COQ8A: variants seen among roughly 807,000 people sequenced by gnomAD.
COQ8A encodes atypical kinase COQ8A, mitochondrial.
In COQ8A, 51 loss-of-function variants were observed where a neutral mutation model predicts 65.0. The observed-to-expected ratio is 0.78, with a 90% CI of 0.63 to 0.99. The LOEUF (loss-of-function observed/expected upper bound fraction) is 0.99, where lower values mean the gene tolerates loss of function less well. Ranked by LOEUF, COQ8A falls within the 50% of genes least tolerant of loss-of-function variation. The pLI, the probability that COQ8A is intolerant of heterozygous loss-of-function variation, is 0.00. For missense variants in COQ8A, 940 were observed against 875.0 expected (o/e 1.07, Z -0.94); for synonymous variants, 371 against 353.2 (o/e 1.05, Z -0.57).
chr1:226,977,909 G>A (rs1332195384), intron 5 of COQ8A, among the ~76,000 whole-genome samples: 1 of 116,242 alleles, frequency 8.6e-6, no homozygotes, highest in African/African-American at 3.4e-5. Context: ...CAGCGAACAC[G>A]CGCACACCTT....
intron 4 of COQ8A, 81 bp from the exon 5 acceptor site, chr1:226,977,368 C>A: frequency 7.3e-7 from 1 of 1,368,002 alleles, no homozygotes; most frequent in Non-Finnish European, 1.0e-6. Context: ...CTGTGTGGTG[C>A]TGCCCCAGGC....
intron 1 of COQ8A, chr1:226,958,338 G>A (rs1163062053): frequency 1.3e-5 from 2 of 152,388 alleles, no homozygotes; most frequent in South Asian, 4.1e-4. Context: ...TCCGTACTGA[G>A]CTACTGAGGA....
chr1:226,971,561 A>AGAC, intron 4 of COQ8A, among the ~76,000 whole-genome samples: 1 of 152,124 alleles, frequency 6.6e-6, no homozygotes, highest in African/African-American at 2.4e-5. Context: ...AAAAAGAAAA[A>AGAC]AAAGAAAAAA....
In COQ8A at chr1:226,986,803, AGCGAGGTCGTGGTGAT is replaced by A. The variant is rs2148144504; in HGVS notation, c.*69_*84del. 6.4e-7 allele frequency: 1 copy of A among 1,565,346 alleles called. No individual in the cohort carries two copies. The highest frequency in any genetic ancestry group is 2.3e-5 in the East Asian group (1 of 43,088). ...TCCCTCAGACAGGCCAAAAACCAGT[AGCGAGGTCGTGGTGAT>A]GCTCTTTTTAACTCCTTTGCCCAAT... On this transcript the variant is annotated 3_prime_UTR_variant, in exon 15 of 15. Transcript: ENST00000366777.
rs539881776 is a variant in COQ8A at position 226,942,890 on chromosome 1, A to T, written c.-10+2491A>T. ...ACTTCTGAGTCTAAATTTTGCCTTC[A>T]GTGTAATCCAGAATTTATGCCCCAA... On this transcript the variant is annotated intron_variant, in intron 1 of 14. Transcript: ENST00000366777. Among the ~76,000 whole-genome samples, 67 of 152,318 alleles carry T rather than the reference A, an allele frequency of 4.4e-4. No individual in the cohort carries two copies. The South Asian group carries it at 0.013, about 29-fold the overall frequency.
chr1:226,960,140 G>A, intron 1 of COQ8A, among the ~76,000 whole-genome samples: 1 of 147,702 alleles, frequency 6.8e-6, no homozygotes, highest in East Asian at 2.0e-4. Context: ...GGTGGTGGTG[G>A]TACTTGGTGG....
intron 1 of COQ8A, among the ~76,000 whole-genome samples, chr1:226,944,836 G>A (rs980955575): frequency 4.6e-5 from 7 of 151,306 alleles, no homozygotes; most frequent in African/African-American, 1.2e-4. Flanking sequence ...AGGTGTTTCC[G>A]GGTCATTTGG....
intron 6 of COQ8A, 146 bp downstream of exon 6, chr1:226,982,295 G>T: frequency 8.0e-7 from 1 of 1,249,330 alleles, no homozygotes; most frequent in Non-Finnish European, 1.1e-6. Context: ...AATAGGCCTG[G>T]TCTCCAGACG....
chr1:226,954,406 G>A (rs747519761), intron 1 of COQ8A, among the ~76,000 whole-genome samples: 5 of 152,352 alleles, frequency 3.3e-5, no homozygotes, highest in African/African-American at 7.2e-5. Context: ...CTCCAGAACC[G>A]GGGTTCTCAA....
rs1441387354 is a variant in COQ8A, at chr1:226,984,960, T to A, written c.1572+19T>A. Reference sequence around the variant, plus strand: ...CATTCAGGTAACTGGAGAGGGGCCCTGGCCTTGGTCCATGTTTTTCTGAGG... The same window carrying A: ...CATTCAGGTAACTGGAGAGGGGCCCAGGCCTTGGTCCATGTTTTTCTGAGG... On this transcript the variant is annotated intron_variant, in intron 13 of 14. Coordinates refer to ENST00000366777, the MANE Select transcript of COQ8A (RefSeq NM_020247.5). 5.6e-6 allele frequency: 9 copies of A among 1,613,572 alleles called. No homozygotes were observed. The highest frequency in any genetic ancestry group is 6.8e-6 in the Non-Finnish European group (8 of 1,179,746).
At chr1:226,961,666 C>T (rs950619782) in intron 2 of COQ8A, 104 bp downstream of exon 2, 4 of 1,397,330 alleles carry the variant, frequency 2.9e-6, no homozygotes, top group Non-Finnish European at 3.8e-6. Context: ...TCTTTGGTGG[C>T]CAGGGCCTGA....
At chr1:226,986,392 A>C in intron 14 of COQ8A, 61 bp from the exon 15 acceptor site, 158 of 1,540,308 alleles carry the variant, frequency 1.0e-4, no homozygotes, top group Non-Finnish European at 1.3e-4. Context: ...TGTGGGAGGA[A>C]CCCGGGCTGG....
rs754550384 is a variant in COQ8A at position 226,965,341 on chromosome 1, C to G, written c.519C>G (p.Leu173=). 6.2e-7 allele frequency: 1 copy of G among 1,613,198 alleles called. No homozygotes were observed. ...AGGACCAATCCCCTGTTGGGGGCCT[C>G]ACAGCCGAGGACATTGAGAAGGCCC... The part of the protein sequence containing the change: ...FHQDQSPVGG[L]TAEDIEKARQ... Residue 173 remains leucine (L), a synonymous_variant, in exon 3 of 15, where the codon CTC becomes CTG. Coordinates refer to ENST00000366777, the MANE Select transcript of COQ8A (RefSeq NM_020247.5).
In COQ8A at chr1:226,946,461, A is replaced by G. The variant is rs1024889233; in HGVS notation, c.-10+6062A>G. ...GGCACGGAGGCATCTAGCGAGAGGTATCGCTGCAGAGGTGTCTGGGGCTCC... is the reference window on the plus strand; with the variant it reads ...GGCACGGAGGCATCTAGCGAGAGGTGTCGCTGCAGAGGTGTCTGGGGCTCC... On this transcript the variant is annotated intron_variant, in intron 1 of 14. Coordinates refer to ENST00000366777, the MANE Select transcript of COQ8A (RefSeq NM_020247.5). This position sits in a 1 kb window ranked among gnomAD's most constrained non-coding sequence, Gnocchi z 5.3. Among the ~76,000 whole-genome samples, 26 of 152,120 alleles carry G rather than the reference A, an allele frequency of 1.7e-4. No individual in the cohort carries two copies. The highest frequency in any genetic ancestry group is 6.0e-4 in the African/African-American group (25 of 41,420).
At chr1:226,954,593 C>T (rs1253032682) in intron 1 of COQ8A, among the ~76,000 whole-genome samples, 1 of 152,264 alleles carries the variant, frequency 6.6e-6, no homozygotes, top group African/African-American at 2.4e-5. Flanking sequence ...GTGCCTCAGA[C>T]CAGCCTCCTG....
chr1:226,960,457 C>CGGTGGT (rs1558187529), intron 1 of COQ8A, among the ~76,000 whole-genome samples: 1 of 2,564 alleles, frequency 3.9e-4, no homozygotes, highest in East Asian at 0.014. Context: ...GTGGTGGTGG[C>CGGTGGT]AGTACTTGGT....
intron 6 of COQ8A, 53 bp downstream of exon 6, chr1:226,982,202 T>C: frequency 6.5e-7 from 1 of 1,538,016 alleles, no homozygotes; most frequent in Non-Finnish European, 8.8e-7. Context: ...GCTGGGGGGG[T>C]CAACTTCCAG....
chr1:226,947,709 T>C (rs1325578313), intron 1 of COQ8A, among the ~76,000 whole-genome samples: 1 of 152,028 alleles, frequency 6.6e-6, no homozygotes, highest in Non-Finnish European at 1.5e-5. Context: ...CTCAGGATAA[T>C]CACCTGTGCC....
chr1:226,965,129 G>C lies in COQ8A; in HGVS notation c.307G>C (p.Ala103Pro). The change falls in exon 3 of 15, where the codon GCG (alanine) becomes CCG (proline). Residue 103 changes from alanine to proline, a missense_variant. Ala to Pro is a conservative substitution (Grantham distance 27, BLOSUM62 -1). Transcript: ENST00000366777. Reference sequence around the variant, plus strand: ...TTCAGCCTCCGCTCCCGACCAGTCAGCGCCCCCATCCCTGGGTCATGCCCA... The same window carrying C: ...TTCAGCCTCCGCTCCCGACCAGTCACCGCCCCCATCCCTGGGTCATGCCCA... ...FSSASAPDQS[A>P]PPSLGHAHSE... The C allele has an allele frequency of 6.2e-7, 1 of 1,613,974 alleles. No individual in the cohort carries two copies. Among genetic ancestry groups the C allele is most frequent in the South Asian group, 1.1e-5 (1 of 91,084 alleles).
Sources: gnomAD v4.1 joint callset for allele counts (sites outside exome capture counted in the v4.1 genomes callset) on GRCh38, gnomAD v4.1.1 for gene constraint, Gnocchi (gnomAD v3.1) non-coding constraint, MANE v1.5 for transcripts, NCBI Gene and HGNC (gene_info 2026-07-23, HGNC 2026-07-21) for gene names.